Variants in IRAK3 observed in about 807,000 individuals in gnomAD.
IRAK3 encodes interleukin-1 receptor-associated kinase 3.
A neutral mutation model predicts 56.6 loss-of-function variants in IRAK3; 57 were observed. The observed-to-expected ratio is 1.01, with a 90% CI of 0.81 to 1.26. The LOEUF is 1.26. Ranked by LOEUF, IRAK3 falls within the 50% of genes most tolerant of loss-of-function variation. The pLI is 0.00. For missense variants in IRAK3, 703 were observed against 719.0 expected (o/e 0.98, Z 0.25); for synonymous variants, 258 against 255.7 (o/e 1.01, Z -0.09).
Position 66,189,445 on chromosome 12 carries a change from G to A in IRAK3, c.133+13G>A, listed in dbSNP as rs376407708. On this transcript the variant is annotated intron_variant, in intron 1 of 11. Coordinates refer to ENST00000261233, the MANE Select transcript of IRAK3 (RefSeq NM_007199.3). ...TGGCGCGGCCTGGGTGAGTCGGCGG[G>A]GACCGGCCGGGGGCGGCGGGGGAGC... 3.1e-4 allele frequency: 380 copies of A among 1,226,052 alleles called. 7 individuals are homozygous for A. In the South Asian group the frequency reaches 0.011, roughly 35 times the overall value. The allele number at this position is 1,226,052 out of a possible 1,614,324, so 75.9% of individuals were successfully genotyped here. A position where few individuals can be genotyped will look rare whatever the true frequency, so the allele number is the denominator to read the frequency against.
chr12:66,228,059 C>T (rs960736187), intron 7 of IRAK3, among the ~76,000 whole-genome samples, 193 bp from the exon 8 acceptor site: 5 of 152,044 alleles, frequency 3.3e-5, no homozygotes, highest in Non-Finnish European at 7.4e-5. Flanking sequence ...ATAAAAGAGG[C>T]CTAGAACTGT....
At chr12:66,239,204 A>G (rs1208745666) in intron 8 of IRAK3, among the ~76,000 whole-genome samples, 1 of 151,928 alleles carries the variant, frequency 6.6e-6, no homozygotes, top group African/African-American at 2.4e-5. Flanking sequence ...TTTAATCAGT[A>G]TTGCCATTTG....
intron 1 of IRAK3, among the ~76,000 whole-genome samples, chr12:66,195,695 T>C (rs946170857): frequency 3.9e-5 from 6 of 152,364 alleles, no homozygotes; most frequent in Non-Finnish European, 8.8e-5. Context: ...GTTTCGCTTT[T>C]GTTGCACAGC....
chr12:66,228,882 C>A (rs189650673), intron 8 of IRAK3, among the ~76,000 whole-genome samples: 1 of 152,298 alleles, frequency 6.6e-6, no homozygotes, highest in Non-Finnish European at 1.5e-5. Flanking sequence ...GCACATTTAA[C>A]ATAGGCTGGG....
chr12:66,231,079 G>C (rs1260866089), intron 8 of IRAK3, among the ~76,000 whole-genome samples: 1 of 152,162 alleles, frequency 6.6e-6, no homozygotes, highest in Admixed American at 6.5e-5. Context: ...TGGTGGGAGT[G>C]GCACAGTGAC....
At position 66,244,537 on chromosome 12, in the gene IRAK3, C is replaced by A; in HGVS notation, c.939C>A (p.Ala313=). Residue 313 remains alanine, a synonymous_variant, in exon 9 of 12, where the codon GCC becomes GCA. Transcript: ENST00000261233. ...DQFQPKLTDF[A]MAHFRSHLEH... is the part of the protein sequence containing the mutation. ...TTCAACCCAAACTAACTGATTTTGC[C>A]ATGGCACACTTCCGGTCCCACCTAG... 6.2e-7 allele frequency: 1 copy of A among 1,614,036 alleles called. No individual in the cohort carries two copies. The highest frequency in any genetic ancestry group is 8.5e-7 in the Non-Finnish European group (1 of 1,179,978).
At position 66,250,017 on chromosome 12, in the gene IRAK3, G is replaced by A. The variant is rs1005839247; in HGVS notation, c.*1846G>A. ...AAGGGCCATCTCTTCAGAGCCTAAT[G>A]TGTCATCCTACACAGAGCAGGTGTT... On this transcript the variant is annotated 3_prime_UTR_variant, in exon 12 of 12. Coordinates refer to ENST00000261233, the MANE Select transcript of IRAK3 (RefSeq NM_007199.3). The A allele has an allele frequency of 6.6e-5, 10 of 152,196 alleles. No individual in the cohort carries two copies. The highest frequency in any genetic ancestry group is 2.6e-4 in the Admixed American group (4 of 15,278). 9.4% of individuals were successfully genotyped at this position (152,196 alleles called of 1,614,324 possible). A position where few individuals can be genotyped will look rare whatever the true frequency, so the allele number is the denominator to read the frequency against.
At chr12:66,193,132 C>A (rs1039874306) in intron 1 of IRAK3, among the ~76,000 whole-genome samples, 46 of 152,082 alleles carry the variant, frequency 3.0e-4, no homozygotes, top group African/African-American at 1.1e-3. Flanking sequence ...CTCAGCCTCC[C>A]GAGTAGCTGG....
At position 66,236,566 on chromosome 12, in the gene IRAK3, T is replaced by A. The variant is rs573636864; in HGVS notation, c.888-7920T>A. Among the ~76,000 whole-genome samples the A allele has an allele frequency of 4.6e-4, 65 of 141,150 alleles. No homozygotes were observed. The East Asian group carries it at 8.0e-3, about 17-fold the overall frequency. 92.6% of individuals were successfully genotyped at this position (141,150 alleles called of 152,430 possible). ...CTGGGCGATAGAACAAGACTCCGTC[T>A]AAAAAAAAAAAAGGAAAAGAAAAAG... On this transcript the variant is annotated intron_variant, in intron 8 of 11. Transcript: ENST00000261233.
Position 66,244,576 on chromosome 12 carries a change from T to A in IRAK3, c.978T>A (p.Cys326Ter). 6.2e-7 allele frequency: 1 copy of A among 1,613,980 alleles called. No individual in the cohort carries two copies. The highest frequency in any genetic ancestry group is 8.5e-7 in the Non-Finnish European group (1 of 1,179,888). The change falls in exon 9 of 12, where the codon TGT (cysteine) becomes TGA (stop). Residue 326 changes from cysteine to a stop codon, truncating the protein, a stop_gained. Transcript: ENST00000261233. LOFTEE classifies it high-confidence loss of function. ...HFRSHLEHQSCTINMTSSSSK... is the reference protein window; with the variant it reads ...HFRSHLEHQS ...GGTCCCACCTAGAACATCAGAGTTG[T>A]ACCATAAATATGACCAGCAGCAGCA...
rs1297716189 is a variant in IRAK3 at position 66,197,163 on chromosome 12, G to T, written c.134-6548G>T. The T allele has an allele frequency of 2.3e-6, 3 of 1,279,788 alleles. No homozygotes were observed. The South Asian group carries it at 8.6e-5, about 37-fold the overall frequency. The allele number at this position is 1,279,788 out of a possible 1,614,324, so 79.3% of individuals were successfully genotyped here. A position where few individuals can be genotyped will look rare whatever the true frequency, so the allele number is the denominator to read the frequency against. Reference sequence around the variant, plus strand: ...AATACGACTTTCAACAAAGATTTGTGTTCCAAAAAATGGTTTTAAACAATG... The same window carrying T: ...AATACGACTTTCAACAAAGATTTGTTTTCCAAAAAATGGTTTTAAACAATG... On this transcript the variant is annotated intron_variant, in intron 1 of 11. Coordinates refer to ENST00000261233, the MANE Select transcript of IRAK3 (RefSeq NM_007199.3).
intron 6 of IRAK3, among the ~76,000 whole-genome samples, chr12:66,218,734 T>C (rs1029872022): frequency 6.6e-6 from 1 of 152,218 alleles, no homozygotes; most frequent in African/African-American, 2.4e-5. Context: ...ATCAAATTAA[T>C]ACATCTATTA....
intron 5 of IRAK3, 128 bp downstream of exon 5, chr12:66,211,725 G>A: frequency 1.3e-6 from 1 of 787,576 alleles, no homozygotes; most frequent in South Asian, 1.5e-5. Context: ...GTGGAAATAA[G>A]AGATATGATT....
rs2052895661 is a variant in IRAK3, at chr12:66,235,383, G to A, written c.887+7013G>A. ...AGGACGCAAGGAGGGGGCCGGCCGG[G>A]CCCCGGGCCGAGGCAGCTTTGGGAA... is the stretch of plus-strand genomic sequence containing the variant. On this transcript the variant is annotated intron_variant, in intron 8 of 11. Coordinates refer to ENST00000261233, the MANE Select transcript of IRAK3 (RefSeq NM_007199.3). The A allele has an allele frequency of 1.0e-5, 10 of 1,004,064 alleles. No individual in the cohort carries two copies. The South Asian group carries it at 3.6e-4, about 36-fold the overall frequency. The allele number at this position is 1,004,064 out of a possible 1,614,324, so 62.2% of individuals were successfully genotyped here.
At chr12:66,236,429 A>T (rs2052908957) in intron 8 of IRAK3, among the ~76,000 whole-genome samples, 1 of 151,268 alleles carries the variant, frequency 6.6e-6, no homozygotes, top group Non-Finnish European at 1.5e-5. Context: ...TTAACCAGGC[A>T]TAGTGGCTTG....
At chr12:66,210,115 G>A in intron 3 of IRAK3, 32 bp from the exon 4 acceptor site, 2 of 1,378,722 alleles carry the variant, frequency 1.5e-6, no homozygotes, top group Non-Finnish European at 2.1e-6. Flanking sequence ...TGTATGAAAT[G>A]GAATTACTTT....
At chr12:66,234,831 G>A in intron 8 of IRAK3, 1 of 1,605,430 alleles carries the variant, frequency 6.2e-7, no homozygotes, top group Non-Finnish European at 8.5e-7. Flanking sequence ...TCTAGTTCTT[G>A]CTTATCCATG....
At chr12:66,233,904 A>G (rs1457948581) in intron 8 of IRAK3, among the ~76,000 whole-genome samples, 1 of 151,470 alleles carries the variant, frequency 6.6e-6, no homozygotes, top group African/African-American at 2.4e-5. Context: ...TGCACCTTAT[A>G]GAACTTATAG....
Position 66,209,457 on chromosome 12 carries a change from A to T in IRAK3, c.318A>T (p.Gly106=). Residue 106 remains glycine (G), a splice_region_variant and synonymous_variant, in exon 3 of 12, where the codon GGA becomes GGT. Coordinates refer to ENST00000261233, the MANE Select transcript of IRAK3 (RefSeq NM_007199.3). The part of the protein sequence containing the change: ...RRAIHLITNY[G]AVLSPSEKSY... ...TACCTTCCCATATTTCTCTTTCAGG[A>T]GCAGTGTTGAGTCCTTCAGAGAAGA... The T allele has an allele frequency of 6.3e-7, 1 of 1,598,876 alleles. No homozygotes were observed. The highest frequency in any genetic ancestry group is 8.6e-7 in the Non-Finnish European group (1 of 1,166,510).
Sources: gnomAD v4.1 joint callset for allele counts (sites outside exome capture counted in the v4.1 genomes callset) on GRCh38, gnomAD v4.1.1 for gene constraint, MANE v1.5 for transcripts, NCBI Gene and HGNC (gene_info 2026-07-23, HGNC 2026-07-21) for gene names.